Variants in SEMA5A observed in about 807,000 individuals in gnomAD.
SEMA5A encodes semaphorin 5A.
Under a neutral mutation model 135.5 loss-of-function variants are expected in SEMA5A, and 55 were observed. The ratio of observed to expected loss-of-function variants is 0.41; its 90% CI spans 0.33 to 0.51. SEMA5A has a LOEUF of 0.51. Among genes scored for constraint, SEMA5A ranks in the 20% least tolerant of loss-of-function variants. SEMA5A has a pLI of 0.37. For synonymous variants in SEMA5A, 580 were observed against 546.5 expected, an observed-to-expected ratio of 1.06 and a Z score of -0.85; for missense variants, 1,290 against 1,419.9, an observed-to-expected ratio of 0.91 and a Z score of 1.47.
intron 3 of SEMA5A, among the ~76,000 whole-genome samples, chr5:9,371,635 C>G (rs1426778455): frequency 2.0e-5 from 3 of 152,156 alleles, no homozygotes; most frequent in Non-Finnish European, 4.4e-5. Flanking sequence ...TTAGCTGGTT[C>G]CTTTGCAAAT....
At chr5:9,448,898 G>C (rs576868719) in intron 1 of SEMA5A, among the ~76,000 whole-genome samples, 1 of 152,280 alleles carries the variant, frequency 6.6e-6, no homozygotes, top group Admixed American at 6.5e-5. Flanking sequence ...ATCTGTCTTA[G>C]TCAGCTGACT....
intron 3 of SEMA5A, among the ~76,000 whole-genome samples, chr5:9,357,191 ATAATTC>A (rs1229606571): frequency 6.6e-5 from 10 of 152,278 alleles, no homozygotes; most frequent in East Asian, 1.9e-4. Context: ...TTTCATAATT[ATAATTC>A]TATTTTTGAT....
chr5:9,300,587 T>C (rs1751567352), intron 5 of SEMA5A, among the ~76,000 whole-genome samples: 1 of 152,204 alleles, frequency 6.6e-6, no homozygotes, highest in Non-Finnish European at 1.5e-5. Context: ...GAATACTACC[T>C]GAATTGGGTT....
chr5:9,454,952 G>A (rs1167888631), intron 1 of SEMA5A, among the ~76,000 whole-genome samples: 7 of 152,176 alleles, frequency 4.6e-5, no homozygotes, highest in Admixed American at 6.5e-5. Context: ...AGGGATACAC[G>A]TACTATTTTG....
At chr5:9,058,367 T>C (rs963537112) in intron 18 of SEMA5A, among the ~76,000 whole-genome samples, 1 of 152,008 alleles carries the variant, frequency 6.6e-6, no homozygotes, top group Non-Finnish European at 1.5e-5. Flanking sequence ...GGGCTTCCCA[T>C]AACTCCTCCC....
chr5:9,372,848 A>G lies in SEMA5A; in HGVS notation c.124+6975T>C, dbSNP rs559799515. ...GAAACATCTCCTTCACTCATCCAGCATGCCTTCATTTTCTGAGAGGTTACA... is the reference window on the plus strand; with the variant it reads ...GAAACATCTCCTTCACTCATCCAGCGTGCCTTCATTTTCTGAGAGGTTACA... On this transcript the variant is annotated intron_variant, in intron 3 of 22. Coordinates refer to ENST00000382496, the MANE Select transcript of SEMA5A (RefSeq NM_003966.3). 7.2e-5 allele frequency among the ~76,000 whole-genome samples: 11 copies of G among 152,360 alleles called. No individual in the cohort carries two copies. The East Asian group carries it at 1.3e-3, about 19-fold the overall frequency.
At chr5:9,212,411 C>A (rs1431228806) in intron 8 of SEMA5A, among the ~76,000 whole-genome samples, 1 of 152,186 alleles carries the variant, frequency 6.6e-6, no homozygotes, top group Non-Finnish European at 1.5e-5. Context: ...TTAAGAGCGA[C>A]TTTGGCACAG....
At chr5:9,108,728 C>A (rs1482669872) in intron 15 of SEMA5A, among the ~76,000 whole-genome samples, 1 of 152,000 alleles carries the variant, frequency 6.6e-6, no homozygotes, top group Non-Finnish European at 1.5e-5. Context: ...ATCAAATAAG[C>A]CCATAGTTAT....
At chr5:9,528,549 G>T (rs1045122705) in intron 1 of SEMA5A, among the ~76,000 whole-genome samples, 1 of 152,152 alleles carries the variant, frequency 6.6e-6, no homozygotes, top group Non-Finnish European at 1.5e-5. Flanking sequence ...CAGTGGAAGT[G>T]GTCCTATGCC....
chr5:9,318,315 A>G, intron 5 of SEMA5A, 57 bp downstream of exon 5: 4 of 1,527,566 alleles, frequency 2.6e-6, no homozygotes, highest in Non-Finnish European at 3.6e-6. Context: ...CATCCCCTCA[A>G]ACAGTGAGTT....
chr5:9,388,051 A>G (rs1324766054), intron 2 of SEMA5A, among the ~76,000 whole-genome samples: 3 of 152,250 alleles, frequency 2.0e-5, no homozygotes, highest in Non-Finnish European at 4.4e-5. Context: ...TCTTAACTCC[A>G]GAAACACTAC....
intron 11 of SEMA5A, among the ~76,000 whole-genome samples, chr5:9,160,813 G>A (rs1011152726): frequency 5.9e-5 from 9 of 152,138 alleles, no homozygotes; most frequent in Non-Finnish European, 1.2e-4. Context: ...AAAAGCAAAG[G>A]TCATAAATGA....
rs766555550 is a variant in SEMA5A, at chr5:9,369,240, CTG to C, written c.124+10581_124+10582del. 5.3e-5 allele frequency among the ~76,000 whole-genome samples: 8 copies of C among 151,954 alleles called. No individual in the cohort carries two copies. In the South Asian group the frequency reaches 1.3e-3, roughly 24 times the overall value. On this transcript the variant is annotated intron_variant, in intron 3 of 22. Transcript: ENST00000382496. ...ATATATATGGTAAATATGTGTATCT[CTG>C]TGTGTGTGTGTATGTATGTCAAATA... is the stretch of plus-strand genomic sequence containing the variant.
intron 5 of SEMA5A, among the ~76,000 whole-genome samples, chr5:9,240,384 C>CA (rs1748130554): frequency 6.6e-6 from 1 of 151,876 alleles, no homozygotes. Context: ...TTCCAGAAGA[C>CA]AGCAGGAATA....
chr5:9,425,315 C>A (rs1398698385), intron 2 of SEMA5A, among the ~76,000 whole-genome samples: 1 of 152,264 alleles, frequency 6.6e-6, no homozygotes, highest in African/African-American at 2.4e-5. Context: ...AGGAGCCTAT[C>A]TGTCTTGCTT....
intron 5 of SEMA5A, among the ~76,000 whole-genome samples, chr5:9,306,886 T>C (rs1198374897): frequency 6.6e-6 from 1 of 152,192 alleles, no homozygotes; most frequent in Non-Finnish European, 1.5e-5. Context: ...TGGTTTAAAA[T>C]TGCATTTGAT....
intron 3 of SEMA5A, 42 bp from the exon 4 acceptor site, chr5:9,337,854 T>TC: frequency 7.2e-7 from 1 of 1,390,144 alleles, no homozygotes; most frequent in Non-Finnish European, 1.0e-6. Context: ...AAAAATGAAT[T>TC]ATTTTTCCTC....
intron 1 of SEMA5A, among the ~76,000 whole-genome samples, chr5:9,535,701 G>C (rs181638053): frequency 7.2e-5 from 11 of 152,256 alleles, no homozygotes. Flanking sequence ...AAGGAAGTGA[G>C]AGTGATTCAA....
chr5:9,052,397 C>T (rs956411003), intron 19 of SEMA5A, among the ~76,000 whole-genome samples: 3 of 152,148 alleles, frequency 2.0e-5, no homozygotes, highest in African/African-American at 4.8e-5. Flanking sequence ...TGCCATTTTG[C>T]TATGGGTAAT....
Sources: allele counts gnomAD v4.1 joint callset (sites outside exome capture counted in the v4.1 genomes callset), GRCh38; gene constraint gnomAD v4.1.1; transcripts MANE v1.5; gene names NCBI Gene and HGNC (gene_info 2026-07-23, HGNC 2026-07-21).